Variants in CCDC102B observed in about 807,000 individuals in gnomAD.
The protein encoded by CCDC102B is coiled-coil domain-containing protein 102B.
In CCDC102B, 75 loss-of-function variants were observed where a neutral mutation model predicts 57.4. The ratio of observed to expected loss-of-function variants is 1.31; its 90% CI spans 1.08 to 1.58. CCDC102B has a LOEUF of 1.58. Among genes scored for constraint, CCDC102B ranks in the 40% most tolerant of loss-of-function variants. The pLI, the probability that CCDC102B is intolerant of heterozygous loss-of-function variation, is 0.00. For missense variants in CCDC102B, 636 were observed against 582.6 expected, an observed-to-expected ratio of 1.09 and a Z score of -0.94; for synonymous variants, 206 against 201.9, an observed-to-expected ratio of 1.02 and a Z score of -0.17.
Position 68,837,278 on chromosome 18 carries a change from A to G in CCDC102B, c.515A>G (p.Asp172Gly). 6.2e-7 allele frequency: 1 copy of G among 1,614,116 alleles called. No individual in the cohort carries two copies. The highest frequency in any genetic ancestry group is 2.2e-5 in the East Asian group (1 of 44,880). Residue 172 changes from aspartate (D) to glycine (G), a missense_variant, in exon 2 of 8, where the codon GAC becomes GGC. Asp to Gly is a moderately conservative substitution (Grantham distance 94, BLOSUM62 -1). Coordinates refer to ENST00000360242, the MANE Select transcript of CCDC102B (RefSeq NM_024781.3). ...GFVEESCEHT[D>G]QFQLSSQMHE... ...GTAGAAGAATCCTGTGAACATACAG[A>G]CCAATTTCAATTGAGTTCACAAATG...
intron 2 of CCDC102B, among the ~76,000 whole-genome samples, chr18:68,724,113 C>T (rs896376453): frequency 6.6e-6 from 1 of 152,216 alleles, no homozygotes; most frequent in Admixed American, 6.5e-5. Flanking sequence ...GAAGCAATTT[C>T]CCAAGCTATG....
chr18:69,036,062 C>G (rs1199612899), intron 7 of CCDC102B, among the ~76,000 whole-genome samples: 1 of 151,956 alleles, frequency 6.6e-6, no homozygotes, highest in Non-Finnish European at 1.5e-5. Context: ...TGTTCTATTG[C>G]TAATGGAAAG....
intron 1 of CCDC102B, among the ~76,000 whole-genome samples, chr18:68,818,254 T>C (rs2036564492): frequency 6.6e-6 from 1 of 152,264 alleles, no homozygotes; most frequent in South Asian, 2.1e-4. Flanking sequence ...CGTTACTATG[T>C]TGTGATAGTA....
intron 7 of CCDC102B, among the ~76,000 whole-genome samples, chr18:69,020,987 C>T (rs1300037418): frequency 2.6e-5 from 4 of 152,166 alleles, no homozygotes; most frequent in East Asian, 1.9e-4. Flanking sequence ...TAGTGTTTTG[C>T]TAAACACATT....
At chr18:68,812,230 A>G (rs977967331) in intron 1 of CCDC102B, among the ~76,000 whole-genome samples, 12 of 151,716 alleles carry the variant, frequency 7.9e-5, no homozygotes, top group African/African-American at 2.7e-4. Flanking sequence ...TATTTATATT[A>G]TTTTATATAA....
At chr18:68,748,124 C>T (rs890904008) in intron 2 of CCDC102B, among the ~76,000 whole-genome samples, 1 of 151,622 alleles carries the variant, frequency 6.6e-6, no homozygotes, top group Non-Finnish European at 1.5e-5. Flanking sequence ...TGATGTTGAG[C>T]ACCTTTTCAT....
At chr18:69,002,390 C>T (rs1425686535) in intron 6 of CCDC102B, among the ~76,000 whole-genome samples, 1 of 152,094 alleles carries the variant, frequency 6.6e-6, no homozygotes, top group Non-Finnish European at 1.5e-5. Context: ...GTCAAAGATA[C>T]TCACATGGCC....
intron 1 of CCDC102B, among the ~76,000 whole-genome samples, chr18:68,809,611 T>A (rs763302907): frequency 1.8e-4 from 28 of 152,194 alleles, no homozygotes; most frequent in Non-Finnish European, 2.9e-4. Context: ...AATAAATACA[T>A]ACTCATTTCC....
intron 5 of CCDC102B, among the ~76,000 whole-genome samples, chr18:68,891,105 G>A (rs1401396046): frequency 6.6e-6 from 1 of 152,026 alleles, no homozygotes; most frequent in Non-Finnish European, 1.5e-5. Flanking sequence ...TCCTAATAAT[G>A]TTAATGCATG....
chr18:68,776,467 C>A (rs1013641651), intron 2 of CCDC102B, among the ~76,000 whole-genome samples: 1 of 152,108 alleles, frequency 6.6e-6, no homozygotes, highest in East Asian at 1.9e-4. Context: ...ATATACACCA[C>A]GGAATACCAT....
At chr18:69,013,442 A>T (rs959738498) in intron 7 of CCDC102B, among the ~76,000 whole-genome samples, 1 of 152,222 alleles carries the variant, frequency 6.6e-6, no homozygotes, top group Non-Finnish European at 1.5e-5. Context: ...TATTCTGGTG[A>T]AGGATATACT....
intron 4 of CCDC102B, among the ~76,000 whole-genome samples, chr18:68,870,124 T>C (rs1354720155): frequency 2.0e-5 from 3 of 151,972 alleles, no homozygotes; most frequent in African/African-American, 4.8e-5. Flanking sequence ...TTGTTCTCAC[T>C]CATAAGTGGG....
chr18:68,867,824 C>G (rs1031876599), intron 4 of CCDC102B, among the ~76,000 whole-genome samples: 1 of 151,704 alleles, frequency 6.6e-6, no homozygotes, highest in Non-Finnish European at 1.5e-5. Context: ...GTCCCAGCTA[C>G]TCGACAGGCT....
intron 6 of CCDC102B, among the ~76,000 whole-genome samples, chr18:68,975,465 G>C (rs1599779099): frequency 6.6e-6 from 1 of 151,958 alleles, no homozygotes; most frequent in Non-Finnish European, 1.5e-5. Context: ...GAAACTTACT[G>C]TGAATTAATT....
At chr18:68,890,464 G>A (rs117616762) in intron 5 of CCDC102B, among the ~76,000 whole-genome samples, 1,784 of 152,200 alleles carry the variant, frequency 0.012, 37 homozygotes, top group East Asian at 0.081. Flanking sequence ...GGCTCAAGTG[G>A]TCCACTCGGT....
Position 68,874,675 on chromosome 18 carries a change from A to C in CCDC102B, c.943A>C (p.Ile315Leu). Residue 315 changes from isoleucine (I) to leucine (L), a missense_variant, in exon 5 of 8, where the codon ATT (isoleucine) becomes CTT (leucine). Coordinates refer to ENST00000360242, the MANE Select transcript of CCDC102B (RefSeq NM_024781.3). ...TTTCAACTTTCTTTTTCAGTTTGAC[A>C]TTCTTCTTGGTCAACATAATGATGA... ...SKPKNVKEFD[I>L]LLGQHNDEMQ... The C allele has an allele frequency of 6.2e-7, 1 of 1,603,806 alleles. No homozygotes were observed. Among genetic ancestry groups the C allele is most frequent in the Non-Finnish European group, 8.5e-7 (1 of 1,171,466 alleles).
chr18:68,818,225 G>GTCTA (rs1015578846), intron 1 of CCDC102B, among the ~76,000 whole-genome samples: 2 of 151,896 alleles, frequency 1.3e-5, no homozygotes, highest in Non-Finnish European at 2.9e-5. Flanking sequence ...CCTGTGGTCT[G>GTCTA]TACTTCAATG....
chr18:68,771,962 A>G (rs1342365448), intron 2 of CCDC102B, among the ~76,000 whole-genome samples: 1 of 151,916 alleles, frequency 6.6e-6, no homozygotes, highest in Non-Finnish European at 1.5e-5. Context: ...TCTCTTAGGT[A>G]AATAGGTCTT....
At chr18:68,879,649 G>T (rs1459361740) in intron 5 of CCDC102B, among the ~76,000 whole-genome samples, 3 of 151,994 alleles carry the variant, frequency 2.0e-5, no homozygotes, top group Non-Finnish European at 1.5e-5. Context: ...GACACAGGGC[G>T]CTGATTGGTG....
Sources: gnomAD v4.1 joint callset for allele counts (sites outside exome capture counted in the v4.1 genomes callset) on GRCh38, gnomAD v4.1.1 for gene constraint, MANE v1.5 for transcripts, NCBI Gene and HGNC (gene_info 2026-07-23, HGNC 2026-07-21) for gene names.